HEPHL1: variants seen among roughly 807,000 people sequenced by gnomAD.
HEPHL1 encodes the protein ferroxidase HEPHL1.
A neutral mutation model predicts 122.0 loss-of-function variants in HEPHL1; 123 were observed. The ratio of observed to expected loss-of-function variants is 1.01; its 90% CI spans 0.87 to 1.17. The LOEUF is 1.17. Among genes scored for constraint, HEPHL1 ranks in the 50% most tolerant of loss-of-function variants. HEPHL1 has a pLI of 0.00. For missense variants in HEPHL1, 1,452 were observed against 1,430.5 expected, an observed-to-expected ratio of 1.01 and a Z score of -0.24; for synonymous variants, 527 against 508.9, an observed-to-expected ratio of 1.04 and a Z score of -0.48.
rs113117606 is a variant in HEPHL1, at chr11:94,027,042, A to G, written c.170+5504A>G. On this transcript the variant is annotated intron_variant, in intron 1 of 19. Transcript: ENST00000315765. ...AACTGCATGTGTTGTCAGGGCCACA[A>G]TGCCTCTGGAGGTTCTAAGGGAGGG... Among the ~76,000 whole-genome samples the G allele has an allele frequency of 5.4e-3, 821 of 152,274 alleles. 7 individuals carry two copies. Among genetic ancestry groups the G allele is most frequent in the African/African-American group, 0.019 (786 of 41,556 alleles).
chr11:94,065,425 C>T (rs1244206313), intron 4 of HEPHL1, among the ~76,000 whole-genome samples: 2 of 152,166 alleles, frequency 1.3e-5, no homozygotes, highest in Non-Finnish European at 2.9e-5. Context: ...AGAGAGTTTC[C>T]TGAGAGAAGT....
At chr11:94,107,162 T>C (rs1946415828) in intron 17 of HEPHL1, among the ~76,000 whole-genome samples, 1 of 152,238 alleles carries the variant, frequency 6.6e-6, no homozygotes, top group African/African-American at 2.4e-5. Flanking sequence ...AAACTGGAAT[T>C]GATCTTTTCT....
intron 9 of HEPHL1, among the ~76,000 whole-genome samples, chr11:94,081,634 T>C (rs539102423): frequency 6.6e-6 from 1 of 152,226 alleles, no homozygotes; most frequent in East Asian, 1.9e-4. Context: ...TAGCTAAGTC[T>C]CGTCAGTTAT....
At position 94,075,155 on chromosome 11, in the gene HEPHL1, G is replaced by A. The variant is rs773670081; in HGVS notation, c.1505-19G>A. The A allele has an allele frequency of 1.2e-6, 2 of 1,603,654 alleles. No individual in the cohort carries two copies. Among genetic ancestry groups the A allele is most frequent in the South Asian group, 2.2e-5 (2 of 89,690 alleles). On this transcript the variant is annotated intron_variant, in intron 8 of 19. Coordinates refer to ENST00000315765, the MANE Select transcript of HEPHL1 (RefSeq NM_001098672.2). ...TTCTTGCCTGTTGTTTTGAATAATTGTTTTGTTTATATCCTCAGGATTTGT... is the reference window on the plus strand; with the variant it reads ...TTCTTGCCTGTTGTTTTGAATAATTATTTTGTTTATATCCTCAGGATTTGT...
rs1284371042 is a variant in HEPHL1, at chr11:94,073,294, G to A, written c.1373-14G>A. ...TTCATTCTCTTCTCTCTCTTCTTCT[G>A]GATATTTTTTCAGGCCCAGTCATCA... is the stretch of plus-strand genomic sequence containing the variant. On this transcript the variant is annotated splice_polypyrimidine_tract_variant and intron_variant, in intron 7 of 19. Transcript: ENST00000315765. The A allele has an allele frequency of 5.0e-6, 8 of 1,609,468 alleles. No homozygotes were observed. Among genetic ancestry groups the A allele is most frequent in the Non-Finnish European group, 6.8e-6 (8 of 1,177,870 alleles).
chr11:94,023,314 T>G (rs1024852755), intron 1 of HEPHL1, among the ~76,000 whole-genome samples: 1 of 152,228 alleles, frequency 6.6e-6, no homozygotes, highest in Non-Finnish European at 1.5e-5. Context: ...TCCTAATTTT[T>G]GCCAAAGGCA....
chr11:94,021,907 G>C (rs1481027142), intron 1 of HEPHL1, among the ~76,000 whole-genome samples: 1 of 152,070 alleles, frequency 6.6e-6, no homozygotes, highest in Non-Finnish European at 1.5e-5. Flanking sequence ...ATTCCTTATG[G>C]TTAAAACACA....
rs1565365286 is a variant in HEPHL1 at position 94,111,672 on chromosome 11, C to G, written c.3278-20C>G. On this transcript the variant is annotated intron_variant, in intron 19 of 19. Transcript: ENST00000315765. ...CCCCTCAAAAATGTCAGGGGCCTGA[C>G]AAGTTTATCTTTTTCACAGAACGAC... 1 of 1,612,788 alleles carries G rather than the reference C, an allele frequency of 6.2e-7. No homozygotes were observed. The highest frequency in any genetic ancestry group is 1.7e-5 in the Admixed American group (1 of 59,922).
chr11:94,022,972 C>G (rs1250255473), intron 1 of HEPHL1, among the ~76,000 whole-genome samples: 1 of 152,096 alleles, frequency 6.6e-6, no homozygotes, highest in African/African-American at 2.4e-5. Context: ...AGATTAACAC[C>G]CACAGAAATT....
rs923336128 is a variant in HEPHL1, at chr11:94,113,393, G to A, written c.*1499G>A. The A allele has an allele frequency of 3.3e-5, 5 of 152,324 alleles. No individual in the cohort carries two copies. The highest frequency in any genetic ancestry group is 7.3e-5 in the Non-Finnish European group (5 of 68,028). The allele number at this position is 152,324 out of a possible 1,614,324, so 9.4% of individuals were successfully genotyped here. A position where few individuals can be genotyped will look rare whatever the true frequency, so the allele number is the denominator to read the frequency against. ...CACACTGTCTCATCTTCATCTTCAT[G>A]AGGGGAAATGGGTAATTGGATAGAA... is the stretch of plus-strand genomic sequence containing the variant. On this transcript the variant is annotated 3_prime_UTR_variant, in exon 20 of 20. Transcript: ENST00000315765.
intron 15 of HEPHL1, 38 bp from the exon 16 acceptor site, chr11:94,104,490 T>G: frequency 2.9e-6 from 4 of 1,385,740 alleles, no homozygotes; most frequent in Non-Finnish European, 4.1e-6. Context: ...ATTAAATTAC[T>G]TAATGGCTCT....
At position 94,114,066 on chromosome 11, in the gene HEPHL1, G is replaced by A. The variant is rs1946472593; in HGVS notation, c.*2172G>A. ...AGGACAGTCTCTTCATTTGACTTTG[G>A]GTCTCATTGCTTCTTGCTTTCTCAA... On this transcript the variant is annotated 3_prime_UTR_variant, in exon 20 of 20. Transcript: ENST00000315765. Among the ~76,000 whole-genome samples the A allele has an allele frequency of 6.6e-6, 1 of 151,982 alleles. No homozygotes were observed. The highest frequency in any genetic ancestry group is 6.6e-5 in the Admixed American group (1 of 15,236).
At position 94,111,982 on chromosome 11, in the gene HEPHL1, C is replaced by T; in HGVS notation, c.*88C>T. ...AGGGAAACTGGACCAAGGCATCACTCACCAAGGAAGGTTGACACTGTATCC... is the reference window on the plus strand; with the variant it reads ...AGGGAAACTGGACCAAGGCATCACTTACCAAGGAAGGTTGACACTGTATCC... On this transcript the variant is annotated 3_prime_UTR_variant, in exon 20 of 20. Transcript: ENST00000315765. 1 of 927,440 alleles carries T rather than the reference C, an allele frequency of 1.1e-6. No homozygotes were observed. Among genetic ancestry groups the T allele is most frequent in the Non-Finnish European group, 1.6e-6 (1 of 635,042 alleles). 57.5% of individuals were successfully genotyped at this position (927,440 alleles called of 1,614,324 possible).
chr11:94,064,786 G>A (rs1262083255), intron 4 of HEPHL1, among the ~76,000 whole-genome samples: 1 of 152,154 alleles, frequency 6.6e-6, no homozygotes, highest in Non-Finnish European at 1.5e-5. Context: ...TATTGTAATT[G>A]GAAAAGAATC....
At chr11:94,089,087 G>C (rs1946243361) in intron 12 of HEPHL1, 119 bp downstream of exon 12, 2 of 930,208 alleles carry the variant, frequency 2.2e-6, no homozygotes, top group Non-Finnish European at 3.4e-6. Flanking sequence ...GGCCGACAGA[G>C]ACTTTTACTT....
chr11:94,037,950 G>T (rs886214438), intron 1 of HEPHL1, among the ~76,000 whole-genome samples: 1 of 150,476 alleles, frequency 6.6e-6, no homozygotes, highest in Non-Finnish European at 1.5e-5. Flanking sequence ...CAAACCAAAG[G>T]CAAAGAAGTT....
At chr11:94,097,129 C>A (rs937568753) in intron 13 of HEPHL1, among the ~76,000 whole-genome samples, 3 of 152,170 alleles carry the variant, frequency 2.0e-5, no homozygotes, top group African/African-American at 7.2e-5. Flanking sequence ...AATTTTAGAT[C>A]TTTCCTGCTT....
Position 94,111,605 on chromosome 11 carries a change from G to A in HEPHL1, c.3277G>A (p.Glu1093Lys), listed in dbSNP as rs550902166. 1.7e-5 allele frequency: 28 copies of A among 1,606,256 alleles called. No homozygotes were observed. The highest frequency in any genetic ancestry group is 6.7e-5 in the East Asian group (3 of 44,648). The change falls in exon 19 of 20, where the codon GAA (glutamate) becomes AAA (lysine). Residue 1093 changes from glutamate to lysine, a missense_variant and splice_region_variant. Physicochemically the swap from Glu to Lys is moderately conservative, Grantham distance 56. Transcript: ENST00000315765. ...TCACCCAGCCACGGTGCCATCTAAC[G>A]GTAATGATACCCTCTCCCCATGTAA... ...ASHPATVPSN[E>K]RPGKEQLYFF... is the part of the protein sequence containing the mutation.
intron 17 of HEPHL1, among the ~76,000 whole-genome samples, chr11:94,109,901 A>C (rs1946435762): frequency 6.6e-6 from 1 of 152,202 alleles, no homozygotes; most frequent in Non-Finnish European, 1.5e-5. Flanking sequence ...GTTTGTTTAC[A>C]ATTGGTATTA....
Sources: allele counts gnomAD v4.1 joint callset (sites outside exome capture counted in the v4.1 genomes callset), GRCh38; gene constraint gnomAD v4.1.1; transcripts MANE v1.5; gene names NCBI Gene and HGNC (gene_info 2026-07-23, HGNC 2026-07-21).